The following CTNNA2 variants were observed in gnomAD, a reference collection of about 807,000 sequenced individuals.
CTNNA2 encodes catenin alpha-2.
In CTNNA2, 42 loss-of-function variants were observed where a neutral mutation model predicts 101.0. The ratio of observed to expected loss-of-function variants is 0.42; its 90% CI spans 0.32 to 0.54. The LOEUF (loss-of-function observed/expected upper bound fraction) is 0.54, where lower values mean the gene tolerates loss of function less well. Among genes scored for constraint, CTNNA2 ranks in the 20% least tolerant of loss-of-function variants. CTNNA2 has a pLI of 0.14. For synonymous variants in CTNNA2, 450 were observed against 456.4 expected, an observed-to-expected ratio of 0.99 and a Z score of 0.18; for missense variants, 871 against 1,223.1, an observed-to-expected ratio of 0.71 and a Z score of 4.29.
chr2:80,148,978 A>G (rs796878728), intron 7 of CTNNA2, among the ~76,000 whole-genome samples: 9 of 151,978 alleles, frequency 5.9e-5, no homozygotes, highest in African/African-American at 2.2e-4. Flanking sequence ...ACCAAATTAA[A>G]AAAACAAAAC....
chr2:80,293,953 T>C (rs1036104639), intron 7 of CTNNA2, among the ~76,000 whole-genome samples: 1 of 152,166 alleles, frequency 6.6e-6, no homozygotes, highest in African/African-American at 2.4e-5. Context: ...TGTCAAACTT[T>C]GTAACTGCAG....
intron 7 of CTNNA2, among the ~76,000 whole-genome samples, chr2:80,258,127 C>T (rs1244243387): frequency 6.6e-6 from 1 of 152,170 alleles, no homozygotes; most frequent in Non-Finnish European, 1.5e-5. Flanking sequence ...AAGTAAGGTA[C>T]TGTATGGGCT....
chr2:79,864,951 C>T (rs1897773), intron 4 of CTNNA2, among the ~76,000 whole-genome samples: 57,567 of 151,884 alleles, frequency 0.38, 12,498 homozygotes, highest in East Asian at 0.68. Flanking sequence ...ATAAGATAGA[C>T]GTAAGCCATT....
chr2:80,172,876 C>CTGGCCA (rs2148965536), intron 7 of CTNNA2, among the ~76,000 whole-genome samples: 1 of 152,312 alleles, frequency 6.6e-6, no homozygotes, highest in Non-Finnish European at 1.5e-5. Flanking sequence ...TATCAAAACA[C>CTGGCCA]TGGCCATATT....
At chr2:79,617,638 C>A (rs1276020336) in intron 1 of CTNNA2, among the ~76,000 whole-genome samples, 1 of 151,976 alleles carries the variant, frequency 6.6e-6, no homozygotes, top group Non-Finnish European at 1.5e-5. Flanking sequence ...TTTCATATTT[C>A]TGAATATTTT....
rs774151018 is a variant in CTNNA2, at chr2:80,088,086, A to C, written c.1056+178289A>C. On this transcript the variant is annotated intron_variant, in intron 7 of 18. Transcript: ENST00000402739. ...GACTGTGCTATTCCAGCAGCACAAG[A>C]AACATTGAACCTCAGAAAGTGCCCC... is the stretch of plus-strand genomic sequence containing the variant. Among the ~76,000 whole-genome samples the C allele has an allele frequency of 2.6e-5, 4 of 152,010 alleles. No individual in the cohort carries two copies. In the East Asian group the frequency reaches 7.7e-4, roughly 29 times the overall value.
At chr2:79,614,434 T>C (rs1446081369) in intron 1 of CTNNA2, among the ~76,000 whole-genome samples, 3 of 152,106 alleles carry the variant, frequency 2.0e-5, no homozygotes, top group Admixed American at 2.0e-4. Context: ...GAAATAGTTA[T>C]AACCAGGGAA....
intron 7 of CTNNA2, among the ~76,000 whole-genome samples, chr2:79,951,804 C>G (rs939517443): frequency 6.6e-6 from 1 of 152,202 alleles, no homozygotes; most frequent in Non-Finnish European, 1.5e-5. Flanking sequence ...CTCCTTGAAT[C>G]GTCTTTCATT....
At chr2:79,949,460 C>T (rs565409903) in intron 7 of CTNNA2, among the ~76,000 whole-genome samples, 19 of 152,168 alleles carry the variant, frequency 1.2e-4, no homozygotes, top group African/African-American at 4.1e-4. Context: ...TTCAAGAAAA[C>T]GGGGTTCATT....
intron 3 of CTNNA2, among the ~76,000 whole-genome samples, chr2:79,359,942 C>T (rs1334969361): frequency 2.0e-4 from 31 of 152,164 alleles, no homozygotes; most frequent in Admixed American, 2.0e-3. Flanking sequence ...ATGCCATCAT[C>T]ATTCTTATGG....
rs930414170 is a variant in CTNNA2 at position 79,954,213 on chromosome 2, G to T, written c.1056+44416G>T. Among the ~76,000 whole-genome samples, 6 of 152,234 alleles carry T rather than the reference G, an allele frequency of 3.9e-5. No individual in the cohort carries two copies. The South Asian group carries it at 1.2e-3, about 32-fold the overall frequency. ...CTCACTATCATGAGAACAGCATGGG[G>T]GAAACCACCCCAAAAATCCAGTGAT... On this transcript the variant is annotated intron_variant, in intron 7 of 18. Coordinates refer to ENST00000402739, the MANE Select transcript of CTNNA2 (RefSeq NM_001282597.3).
At chr2:79,228,573 G>C (rs766837392) in intron 2 of CTNNA2, among the ~76,000 whole-genome samples, 11 of 152,094 alleles carry the variant, frequency 7.2e-5, no homozygotes, top group Non-Finnish European at 1.2e-4. Context: ...GTCAGTTCAT[G>C]TCCTTTAGCT....
intron 1 of CTNNA2, among the ~76,000 whole-genome samples, chr2:79,527,253 C>T (rs1287972020): frequency 6.6e-6 from 1 of 151,940 alleles, no homozygotes; most frequent in Non-Finnish European, 1.5e-5. Flanking sequence ...CAAATAAGCA[C>T]ACGAAGAGAT....
rs558416375 is a variant in CTNNA2 at position 80,302,233 on chromosome 2, T to C, written c.1057-90978T>C. On this transcript the variant is annotated intron_variant, in intron 7 of 18. Transcript: ENST00000402739. The surrounding 1 kb of genome is among the most constrained non-coding windows in gnomAD (Gnocchi z 6.4). ...CAGGCGTATTTGGTAGCGCATGGGT[T>C]GAGAGCCACTGGGACAATCACACCT... The C allele has an allele frequency of 3.1e-6, 5 of 1,606,240 alleles. No homozygotes were observed. The South Asian group carries it at 5.6e-5, about 18-fold the overall frequency.
chr2:79,706,717 A>C (rs553143717), intron 2 of CTNNA2, among the ~76,000 whole-genome samples: 1 of 152,170 alleles, frequency 6.6e-6, no homozygotes, highest in South Asian at 2.1e-4. Flanking sequence ...ACTTGAAAGT[A>C]TAAGAAAATC....
At chr2:79,654,554 TGAA>T (rs2104492243) in intron 2 of CTNNA2, among the ~76,000 whole-genome samples, 1 of 152,308 alleles carries the variant, frequency 6.6e-6, no homozygotes, top group Non-Finnish European at 1.5e-5. Context: ...TTCTCTCTTA[TGAA>T]GAAGATCCTT....
chr2:80,484,982 T>C (rs191290000), intron 9 of CTNNA2, among the ~76,000 whole-genome samples: 2 of 152,070 alleles, frequency 1.3e-5, no homozygotes, highest in African/African-American at 4.8e-5. Flanking sequence ...TTCCAGCCTG[T>C]GTGACAGAGC....
chr2:79,710,755 A>C (rs1685689828), intron 2 of CTNNA2, among the ~76,000 whole-genome samples: 1 of 152,068 alleles, frequency 6.6e-6, no homozygotes, highest in Admixed American at 6.6e-5. Flanking sequence ...TTGTGTGTGC[A>C]TATGAGCTGT....
At chr2:80,546,158 A>C in intron 11 of CTNNA2, 95 bp downstream of exon 11, 1 of 1,458,172 alleles carries the variant, frequency 6.9e-7, no homozygotes, top group Non-Finnish European at 9.2e-7. Flanking sequence ...TCTGTGTTTC[A>C]GGCGCACTCC....
Sources: gnomAD v4.1 joint callset for allele counts (sites outside exome capture counted in the v4.1 genomes callset) on GRCh38, gnomAD v4.1.1 for gene constraint, Gnocchi (gnomAD v3.1) non-coding constraint, MANE v1.5 for transcripts, NCBI Gene and HGNC (gene_info 2026-07-23, HGNC 2026-07-21) for gene names.